The following RBP2 variants were observed in gnomAD, a reference collection of about 807,000 sequenced individuals.
The protein encoded by RBP2 is retinol-binding protein 2.
Under a neutral mutation model 17.0 loss-of-function variants are expected in RBP2, and 17 were observed. The ratio of observed to expected loss-of-function variants is 1.00; its 90% CI spans 0.68 to 1.50. The LOEUF is 1.50. Ranked by LOEUF, RBP2 falls within the 40% of genes most tolerant of loss-of-function variation. The pLI is 0.00. For synonymous variants in RBP2, 48 were observed against 57.1 expected, an observed-to-expected ratio of 0.84 and a Z score of 0.72; for missense variants, 158 against 168.2, an observed-to-expected ratio of 0.94 and a Z score of 0.33.
intron 2 of RBP2, among the ~76,000 whole-genome samples, chr3:139,457,299 C>T (rs777387360): frequency 6.6e-6 from 1 of 152,196 alleles, no homozygotes; most frequent in African/African-American, 2.4e-5. Flanking sequence ...TCAATATGGT[C>T]ATTGTTCATT....
chr3:139,462,061 C>T (rs1933207843), intron 2 of RBP2, 51 bp downstream of exon 2: 1 of 1,557,400 alleles, frequency 6.4e-7, no homozygotes, highest in South Asian at 1.2e-5. Flanking sequence ...ACCAAATAGC[C>T]AGCCCCTGGC....
At chr3:139,461,687 C>T (rs2107871658) in intron 2 of RBP2, among the ~76,000 whole-genome samples, 1 of 152,290 alleles carries the variant, frequency 6.6e-6, no homozygotes, top group East Asian at 1.9e-4. Context: ...CATCTGATTT[C>T]TCTACATCTC....
intron 3 of RBP2, among the ~76,000 whole-genome samples, 186 bp from the exon 4 acceptor site, chr3:139,453,352 C>T (rs929628975): frequency 6.6e-6 from 1 of 152,194 alleles, no homozygotes; most frequent in Admixed American, 6.5e-5. Context: ...TTGATTTTGA[C>T]ACTTGAATTG....
intron 1 of RBP2, among the ~76,000 whole-genome samples, chr3:139,475,581 T>C (rs1933712919): frequency 1.3e-5 from 2 of 151,926 alleles, no homozygotes; most frequent in South Asian, 4.2e-4. Context: ...AGTTACCCCA[T>C]ATGTGGAGAA....
At chr3:139,461,892 C>A (rs1190061455) in intron 2 of RBP2, among the ~76,000 whole-genome samples, 3 of 152,164 alleles carry the variant, frequency 2.0e-5, no homozygotes, top group Non-Finnish European at 4.4e-5. Flanking sequence ...AGGCCCTGGC[C>A]CTGGATCATG....
chr3:139,471,094 C>T (rs986343869), intron 1 of RBP2, among the ~76,000 whole-genome samples: 28 of 152,204 alleles, frequency 1.8e-4, no homozygotes, highest in African/African-American at 6.5e-4. Flanking sequence ...TACTTTCTGT[C>T]TCCCCACTAG....
chr3:139,476,184 T>A (rs1175969100), intron 1 of RBP2, among the ~76,000 whole-genome samples: 5 of 152,082 alleles, frequency 3.3e-5, no homozygotes, highest in Admixed American at 6.6e-5. Flanking sequence ...CTAGACATAA[T>A]CTCATTTATC....
chr3:139,458,834 A>G (rs986115695), intron 2 of RBP2, among the ~76,000 whole-genome samples: 34 of 152,100 alleles, frequency 2.2e-4, no homozygotes, highest in South Asian at 4.1e-4. Context: ...ATGGGTATCA[A>G]TTGCTTATTT....
At chr3:139,455,235 A>G (rs1943374964) in intron 2 of RBP2, among the ~76,000 whole-genome samples, 1 of 152,214 alleles carries the variant, frequency 6.6e-6, no homozygotes, top group Non-Finnish European at 1.5e-5. Context: ...ATTTCCTTAT[A>G]TATATAAAGG....
At chr3:139,469,728 T>TCTATCTAC (rs1367613572) in intron 1 of RBP2, among the ~76,000 whole-genome samples, 1 of 150,646 alleles carries the variant, frequency 6.6e-6, no homozygotes, top group East Asian at 2.0e-4. Flanking sequence ...TATCTATCTA[T>TCTATCTAC]CTATCTACCT....
chr3:139,453,132 A>G lies in RBP2; in HGVS notation c.389T>C (p.Val130Ala). The G allele has an allele frequency of 6.2e-7, 1 of 1,614,042 alleles. No individual in the cohort carries two copies. Among genetic ancestry groups the G allele is most frequent in the South Asian group, 1.1e-5 (1 of 91,070 alleles). The change falls in exon 4 of 4, where the codon GTG becomes GCG. Residue 130 changes from valine (V) to alanine (A), a missense_variant. By Grantham distance (64) the Val-to-Ala change is moderately conservative (BLOSUM62 0). Transcript: ENST00000232217. The stretch of plus-strand genomic sequence containing the variant: ...ACGTCGCCATCATTTCTTTTTGAAC[A>G]CTTGACGGCACACCTGGTCACCACA... ...LTCGDQVCRQ[V>A]FKKK
At chr3:139,458,890 G>T (rs1431403935) in intron 2 of RBP2, among the ~76,000 whole-genome samples, 1 of 151,998 alleles carries the variant, frequency 6.6e-6, no homozygotes, top group African/African-American at 2.4e-5. Context: ...TTTTGGAAGG[G>T]GCTTTAACTT....
intron 2 of RBP2, 72 bp from the exon 3 acceptor site, chr3:139,454,902 G>T: frequency 7.0e-7 from 1 of 1,420,464 alleles, no homozygotes; most frequent in Admixed American, 1.7e-5. Context: ...ACCTGCAGCT[G>T]CAATTCCTGC....
At chr3:139,457,561 A>T (rs1576420081) in intron 2 of RBP2, among the ~76,000 whole-genome samples, 1 of 152,248 alleles carries the variant, frequency 6.6e-6, no homozygotes, top group South Asian at 2.1e-4. Context: ...GTTACCAATA[A>T]ATTATGATAA....
intron 2 of RBP2, among the ~76,000 whole-genome samples, chr3:139,458,122 G>T (rs1933041164): frequency 6.6e-6 from 1 of 152,138 alleles, no homozygotes; most frequent in Non-Finnish European, 1.5e-5. Flanking sequence ...GTAACTCTTG[G>T]TAAAGAGTGT....
At chr3:139,459,400 A>ATATATGTG (rs111417242) in intron 2 of RBP2, among the ~76,000 whole-genome samples, 95 of 128,542 alleles carry the variant, frequency 7.4e-4, no homozygotes, top group Admixed American at 1.6e-3. Context: ...TACTATATAT[A>ATATATGTG]TGTGTGTGTG....
rs140793264 is a variant in RBP2 at position 139,457,428 on chromosome 3, T to G, written c.253-2598A>C. 6.2e-4 allele frequency among the ~76,000 whole-genome samples: 94 copies of G among 152,214 alleles called. 1 individual carries two copies. The East Asian group carries it at 0.014, about 23-fold the overall frequency. ...GGCATGTAGTAGGGGCTTAGCAAAT[T>G]TTATGGAAGGAAGGAAGAAGGAAGG... On this transcript the variant is annotated intron_variant, in intron 2 of 3. Transcript: ENST00000232217.
At chr3:139,455,761 C>T (rs1409725124) in intron 2 of RBP2, among the ~76,000 whole-genome samples, 1 of 152,152 alleles carries the variant, frequency 6.6e-6, no homozygotes, top group Non-Finnish European at 1.5e-5. Context: ...GGTGGACCTT[C>T]TGGTTCTTGG....
At chr3:139,473,137 A>G (rs1468532544) in intron 1 of RBP2, among the ~76,000 whole-genome samples, 1 of 152,168 alleles carries the variant, frequency 6.6e-6, no homozygotes, top group East Asian at 1.9e-4. Flanking sequence ...GAGTTCACCA[A>G]CTGGTTTCCT....
Sources: gnomAD v4.1 joint callset for allele counts (sites outside exome capture counted in the v4.1 genomes callset) on GRCh38, gnomAD v4.1.1 for gene constraint, MANE v1.5 for transcripts, NCBI Gene and HGNC (gene_info 2026-07-23, HGNC 2026-07-21) for gene names.